The following DPP6 variants were observed in gnomAD, a reference collection of about 807,000 sequenced individuals.
The protein encoded by DPP6 is dipeptidyl peptidase like 6.
DPP6 carries 69 observed loss-of-function variants against 122.6 expected under a neutral mutation model. The observed-to-expected ratio is 0.56, with a 90% CI of 0.46 to 0.69. The LOEUF (loss-of-function observed/expected upper bound fraction) is 0.69. Ranked by LOEUF, DPP6 falls within the 30% of genes least tolerant of loss-of-function variation. DPP6 has a pLI of 0.00. For missense variants in DPP6, 928 were observed against 1,116.9 expected, an observed-to-expected ratio of 0.83 and a Z score of 2.41; for synonymous variants, 418 against 433.1, an observed-to-expected ratio of 0.97 and a Z score of 0.43.
chr7:154,138,730 CAGTG>C (rs1795702862), intron 1 of DPP6, among the ~76,000 whole-genome samples: 1 of 151,636 alleles, frequency 6.6e-6, no homozygotes, highest in African/African-American at 2.4e-5. Context: ...TCTTGCCCAA[CAGTG>C]AGCTTGAGCA....
At chr7:154,570,248 G>C (rs1831027783) in intron 5 of DPP6, among the ~76,000 whole-genome samples, 1 of 151,942 alleles carries the variant, frequency 6.6e-6, no homozygotes, top group African/African-American at 2.4e-5. Flanking sequence ...CTGAGAATAA[G>C]AGTTGAAGGA....
chr7:154,402,490 T>C (rs931298224), intron 1 of DPP6, among the ~76,000 whole-genome samples: 33 of 149,972 alleles, frequency 2.2e-4, no homozygotes, highest in African/African-American at 7.9e-4. Context: ...CAGTAAACTA[T>C]CGCAAGAACA....
chr7:153,801,371 G>A, the DPP6 span, among the ~76,000 whole-genome samples: 1 of 151,790 alleles, frequency 6.6e-6, no homozygotes, highest in South Asian at 2.1e-4. Context: ...CCTTGCACAT[G>A]CTCCACGTTC....
At chr7:154,087,360 G>C (rs1050859906) in intron 1 of DPP6, among the ~76,000 whole-genome samples, 1 of 152,114 alleles carries the variant, frequency 6.6e-6, no homozygotes, top group African/African-American at 2.4e-5. Flanking sequence ...AGTTTAAATT[G>C]GCAAGTAATG....
At chr7:154,493,319 T>G (rs1824449932) in intron 3 of DPP6, among the ~76,000 whole-genome samples, 1 of 152,154 alleles carries the variant, frequency 6.6e-6, no homozygotes, top group African/African-American at 2.4e-5. Flanking sequence ...GATAGGAAAG[T>G]CATTCTCTGC....
chr7:154,528,419 G>T (rs188784053), intron 3 of DPP6, among the ~76,000 whole-genome samples: 82 of 152,254 alleles, frequency 5.4e-4, no homozygotes, highest in African/African-American at 1.9e-3. Flanking sequence ...CTACGCCTCC[G>T]TCCTTACTCC....
chr7:154,246,917 A>G (rs1176775763), intron 1 of DPP6, among the ~76,000 whole-genome samples: 2 of 152,214 alleles, frequency 1.3e-5, no homozygotes, highest in Non-Finnish European at 2.9e-5. Context: ...GTGCTGGTAA[A>G]GACTTCTCAA....
chr7:154,012,076 A>G (rs768960541), intron 1 of DPP6, among the ~76,000 whole-genome samples: 8 of 152,198 alleles, frequency 5.3e-5, no homozygotes, highest in African/African-American at 1.2e-4. Flanking sequence ...CATTTCACAA[A>G]TGGTACAACT....
At chr7:154,759,144 G>A (rs962906690) in intron 8 of DPP6, among the ~76,000 whole-genome samples, 3 of 152,142 alleles carry the variant, frequency 2.0e-5, no homozygotes, top group Admixed American at 6.5e-5. Flanking sequence ...CCCCTGGTGC[G>A]AATTCACCCC....
rs992122764 is a variant in DPP6, at chr7:154,875,550, G to A, written c.1884-356G>A. Among the ~76,000 whole-genome samples the A allele has an allele frequency of 6.6e-6, 1 of 152,210 alleles. No individual in the cohort carries two copies. On this transcript the variant is annotated intron_variant, in intron 19 of 25. Transcript: ENST00000377770. The surrounding 1 kb of genome is among the most constrained non-coding windows in gnomAD (Gnocchi z 4.5). ...CCTGGGACATCTAGAACCCAGGAAA[G>A]AGAAACCTTCTTGCCGTGTAGGGAA...
intron 3 of DPP6, among the ~76,000 whole-genome samples, chr7:154,526,010 T>C (rs1301567347): frequency 1.3e-5 from 2 of 152,176 alleles, no homozygotes; most frequent in South Asian, 4.1e-4. Context: ...TCATGAGTTT[T>C]AACAAAACCT....
At chr7:154,504,173 A>G (rs562598520) in intron 3 of DPP6, among the ~76,000 whole-genome samples, 40 of 146,548 alleles carry the variant, frequency 2.7e-4, no homozygotes, top group Middle Eastern at 3.6e-3. Context: ...GGCTAAGGAT[A>G]CACTTTTAAA....
At chr7:154,752,344 TCCTTAGCTGTAAAC>T (rs1256314393) in intron 8 of DPP6, among the ~76,000 whole-genome samples, 2 of 152,174 alleles carry the variant, frequency 1.3e-5, no homozygotes, top group African/African-American at 4.8e-5. Context: ...CCAAGTTGCT[TCCTTAGCTGTAAAC>T]ATCTTAGGAC....
intron 3 of DPP6, among the ~76,000 whole-genome samples, chr7:154,528,725 A>T (rs988510094): frequency 6.6e-6 from 1 of 152,222 alleles, no homozygotes. Flanking sequence ...ATAAAATAGG[A>T]TGAATGAAGT....
At chr7:154,588,092 A>G (rs1412776616) in intron 5 of DPP6, 3 of 1,597,396 alleles carry the variant, frequency 1.9e-6, no homozygotes, top group South Asian at 2.2e-5. Context: ...TGAGCCTTGC[A>G]GCCTCTGCTG....
chr7:154,575,994 A>AT lies in DPP6; in HGVS notation c.627+9079dup, dbSNP rs1293333838. ...GCTACAAAAAGAGGCTTTTGCACAC[A>AT]TCCCCAGACAGGGGGAAGTCCTAAT... On this transcript the variant is annotated intron_variant, in intron 5 of 25. Transcript: ENST00000377770. 8.8e-4 allele frequency among the ~76,000 whole-genome samples: 134 copies of AT among 152,166 alleles called. 2 individuals are homozygous for AT. Among genetic ancestry groups the AT allele is most frequent in the African/African-American group, 3.1e-3 (128 of 41,486 alleles).
chr7:154,574,137 A>G (rs1451737030), intron 5 of DPP6, among the ~76,000 whole-genome samples: 3 of 152,190 alleles, frequency 2.0e-5, no homozygotes, highest in Non-Finnish European at 4.4e-5. Flanking sequence ...AGCCCAAACA[A>G]TGGTTCTTTT....
At chr7:153,794,600 A>G in the DPP6 span, among the ~76,000 whole-genome samples, 1 of 152,134 alleles carries the variant, frequency 6.6e-6, no homozygotes, top group Non-Finnish European at 1.5e-5. Context: ...TACTGAAATG[A>G]ATTAAGACTT....
intron 1 of DPP6, among the ~76,000 whole-genome samples, chr7:154,441,064 A>C (rs1399611979): frequency 6.6e-6 from 1 of 152,160 alleles, no homozygotes; most frequent in African/African-American, 2.4e-5. Flanking sequence ...GTGTACCCGG[A>C]ACATTCACAG....
Sources: allele counts gnomAD v4.1 joint callset (sites outside exome capture counted in the v4.1 genomes callset), GRCh38; gene constraint gnomAD v4.1.1; non-coding constraint Gnocchi (gnomAD v3.1); transcripts MANE v1.5; gene names NCBI Gene and HGNC (gene_info 2026-07-23, HGNC 2026-07-21).